Variants in KCNN2 observed in about 807,000 individuals in gnomAD.
KCNN2 encodes the protein small conductance calcium-activated potassium channel protein 2.
In KCNN2, 24 loss-of-function variants were observed where a neutral mutation model predicts 55.5. The observed-to-expected ratio is 0.43, with a 90% CI of 0.31 to 0.61. KCNN2 has a LOEUF of 0.61. Ranked by LOEUF, KCNN2 falls within the 20% of genes least tolerant of loss-of-function variation. The pLI is 0.08. For synonymous variants in KCNN2, 431 were observed against 336.1 expected, an observed-to-expected ratio of 1.28 and a Z score of -3.09; for missense variants, 754 against 853.6, an observed-to-expected ratio of 0.88 and a Z score of 1.45.
intron 3 of KCNN2, among the ~76,000 whole-genome samples, chr5:114,462,771 C>G (rs958283271): frequency 2.6e-5 from 4 of 152,138 alleles, no homozygotes; most frequent in Non-Finnish European, 1.5e-5. Context: ...CCGGAGGAGT[C>G]TACAAAGATA....
chr5:114,311,082 C>A (rs1561565799), intron 2 of KCNN2, among the ~76,000 whole-genome samples: 1 of 151,940 alleles, frequency 6.6e-6, no homozygotes, highest in Admixed American at 6.6e-5. Flanking sequence ...GTGAGATAAG[C>A]TTATATTAAC....
intron 3 of KCNN2, among the ~76,000 whole-genome samples, chr5:114,408,725 A>G (rs1309167193): frequency 6.6e-6 from 1 of 152,208 alleles, no homozygotes; most frequent in African/African-American, 2.4e-5. Flanking sequence ...TCTGCTTCCA[A>G]AGGCCAATTA....
intron 3 of KCNN2, among the ~76,000 whole-genome samples, chr5:114,458,825 A>G (rs181272779): frequency 9.2e-5 from 14 of 152,326 alleles, no homozygotes; most frequent in Non-Finnish European, 2.1e-4. Flanking sequence ...ACAGATCCTC[A>G]GAGTACAAAC....
chr5:114,093,387 GTCT>G (rs1751189401), intron 1 of KCNN2, among the ~76,000 whole-genome samples: 1 of 152,144 alleles, frequency 6.6e-6, no homozygotes, highest in South Asian at 2.1e-4. Flanking sequence ...ACATCTTCCT[GTCT>G]TCTTCTGAGC....
At chr5:114,156,162 T>C (rs1752630174) in intron 1 of KCNN2, among the ~76,000 whole-genome samples, 1 of 152,224 alleles carries the variant, frequency 6.6e-6, no homozygotes, top group Admixed American at 6.5e-5. Context: ...TGTTTGTTTT[T>C]GTCAGGTTTG....
chr5:114,444,588 A>G (rs1308921865), intron 3 of KCNN2, among the ~76,000 whole-genome samples: 1 of 152,148 alleles, frequency 6.6e-6, no homozygotes, highest in Admixed American at 6.5e-5. Context: ...CCAGAACGTC[A>G]GGGTTCCTTG....
At chr5:114,447,021 G>C (rs1017401636) in intron 3 of KCNN2, among the ~76,000 whole-genome samples, 3 of 152,174 alleles carry the variant, frequency 2.0e-5, no homozygotes, top group African/African-American at 7.2e-5. Context: ...AGTGGCCACT[G>C]TGTTGCACAG....
intron 1 of KCNN2, among the ~76,000 whole-genome samples, chr5:114,216,641 G>A (rs1054702233): frequency 2.0e-5 from 3 of 152,056 alleles, no homozygotes; most frequent in Non-Finnish European, 2.9e-5. Context: ...TCCTTAAATT[G>A]GTAGAGAATA....
At chr5:114,199,237 G>C (rs1753620018) in intron 1 of KCNN2, among the ~76,000 whole-genome samples, 1 of 152,024 alleles carries the variant, frequency 6.6e-6, no homozygotes, top group African/African-American at 2.4e-5. Flanking sequence ...TAACTAGAGT[G>C]ACTCTTGATC....
intron 1 of KCNN2, among the ~76,000 whole-genome samples, chr5:114,172,508 A>G (rs571152823): frequency 6.6e-6 from 1 of 151,580 alleles, no homozygotes; most frequent in African/African-American, 2.4e-5. Context: ...TCTGGAAATT[A>G]GAAAACATTT....
At chr5:114,297,291 C>A (rs1232149026) in intron 2 of KCNN2, among the ~76,000 whole-genome samples, 2 of 151,972 alleles carry the variant, frequency 1.3e-5, no homozygotes, top group South Asian at 4.2e-4. Context: ...GCACTGCAGC[C>A]TGGGTGATAG....
chr5:114,247,507 A>G (rs1163598520), intron 2 of KCNN2, among the ~76,000 whole-genome samples: 2 of 152,204 alleles, frequency 1.3e-5, no homozygotes, highest in African/African-American at 4.8e-5. Context: ...GTCATGTTGA[A>G]TAATTTCTAA....
intron 1 of KCNN2, among the ~76,000 whole-genome samples, chr5:114,134,034 GTCTCT>G (rs1214219647): frequency 6.6e-6 from 1 of 152,118 alleles, no homozygotes; most frequent in African/African-American, 2.4e-5. Context: ...TCATCAGGAG[GTCTCT>G]TCTCCCATTT....
chr5:114,425,204 GC>G (rs1175680080), intron 3 of KCNN2, among the ~76,000 whole-genome samples: 3 of 152,204 alleles, frequency 2.0e-5, no homozygotes, highest in African/African-American at 7.2e-5. Context: ...TAACTATCAT[GC>G]TTTTAAATAT....
At chr5:114,163,935 T>A (rs79293284) in intron 1 of KCNN2, among the ~76,000 whole-genome samples, 4 of 147,424 alleles carry the variant, frequency 2.7e-5, no homozygotes, top group Admixed American at 6.9e-5. Flanking sequence ...GCCTTTTTTT[T>A]AAGTATGCTT....
intron 2 of KCNN2, among the ~76,000 whole-genome samples, chr5:114,262,512 G>A (rs1287977237): frequency 6.6e-6 from 1 of 152,170 alleles, no homozygotes. Context: ...TTGCCTGGGA[G>A]TGAATCCTGG....
At chr5:114,144,334 CTG>C (rs1561493682) in intron 1 of KCNN2, among the ~76,000 whole-genome samples, 1 of 152,124 alleles carries the variant, frequency 6.6e-6, no homozygotes, top group African/African-American at 2.4e-5. Context: ...CAATACCTGA[CTG>C]AGAATTCCAC....
At chr5:114,341,640 GT>G (rs749375243) in intron 2 of KCNN2, among the ~76,000 whole-genome samples, 2 of 152,002 alleles carry the variant, frequency 1.3e-5, no homozygotes, top group Admixed American at 6.5e-5. Context: ...GCCAGAGATA[GT>G]AAAAGAAAAT....
chr5:114,157,410 G>C (rs1391459000), intron 1 of KCNN2, among the ~76,000 whole-genome samples: 1 of 151,902 alleles, frequency 6.6e-6, no homozygotes, highest in Admixed American at 6.6e-5. Flanking sequence ...TATCATTGTT[G>C]GACATTTGGG....
Sources: gnomAD v4.1 joint callset for allele counts (sites outside exome capture counted in the v4.1 genomes callset) on GRCh38, gnomAD v4.1.1 for gene constraint, MANE v1.5 for transcripts, NCBI Gene and HGNC (gene_info 2026-07-23, HGNC 2026-07-21) for gene names.